Variants in ADK observed in about 807,000 individuals in gnomAD.
ADK encodes adenosine kinase.
In ADK, 24 loss-of-function variants were observed where a neutral mutation model predicts 44.7. The ratio of observed to expected loss-of-function variants is 0.54; its 90% CI spans 0.39 to 0.76. The LOEUF is 0.76. Ranked by LOEUF, ADK falls within the 30% of genes least tolerant of loss-of-function variation. The probability of loss-of-function intolerance (pLI) is 0.00; values close to 1 mark genes in which losing one functional copy is unlikely to be tolerated. For synonymous variants in ADK, 128 were observed against 142.6 expected, an observed-to-expected ratio of 0.90 and a Z score of 0.73; for missense variants, 321 against 425.1, an observed-to-expected ratio of 0.76 and a Z score of 2.15.
chr10:74,641,953 A>G (rs190898523), intron 9 of ADK, among the ~76,000 whole-genome samples: 18 of 152,300 alleles, frequency 1.2e-4, no homozygotes, highest in Non-Finnish European at 1.3e-4. Flanking sequence ...AGGCTCTTTC[A>G]AGGAATCTCT....
chr10:74,637,093 A>G (rs1050770212), intron 9 of ADK, among the ~76,000 whole-genome samples: 2 of 152,234 alleles, frequency 1.3e-5, no homozygotes, highest in Non-Finnish European at 2.9e-5. Context: ...TAGAAGGATA[A>G]TGATAAACCC....
At chr10:74,344,906 G>C (rs1394871967) in intron 4 of ADK, 1 of 156,852 alleles carries the variant, frequency 6.4e-6, no homozygotes, top group Non-Finnish European at 1.4e-5. Flanking sequence ...TCTTCAGTGA[G>C]ACGTGATTTC....
chr10:74,665,981 G>A (rs1362577203), intron 9 of ADK, among the ~76,000 whole-genome samples: 4 of 152,148 alleles, frequency 2.6e-5, no homozygotes, highest in Admixed American at 2.0e-4. Flanking sequence ...TAAGGATATC[G>A]TGAGGTTGTG....
intron 4 of ADK, among the ~76,000 whole-genome samples, chr10:74,332,690 CACA>C (rs1220571135): frequency 1.3e-5 from 2 of 152,128 alleles, no homozygotes; most frequent in African/African-American, 4.8e-5. Flanking sequence ...CAAAATATTG[CACA>C]ACAAGAAAAA....
chr10:74,344,240 T>C (rs1050255420), intron 4 of ADK, among the ~76,000 whole-genome samples: 2 of 152,214 alleles, frequency 1.3e-5, no homozygotes, highest in Non-Finnish European at 2.9e-5. Flanking sequence ...TAGAAGAGTT[T>C]GTGGAGAATT....
At chr10:74,475,736 G>A (rs898098941) in intron 6 of ADK, among the ~76,000 whole-genome samples, 13 of 148,714 alleles carry the variant, frequency 8.7e-5, no homozygotes, top group South Asian at 2.2e-4. Context: ...AAGAGAGAGC[G>A]AAGAGAGAAA....
At chr10:74,546,976 A>T (rs1172243612) in intron 7 of ADK, among the ~76,000 whole-genome samples, 1 of 152,198 alleles carries the variant, frequency 6.6e-6, no homozygotes, top group Non-Finnish European at 1.5e-5. Context: ...ACCCAGCATT[A>T]ACTACTCTAT....
rs1230856273 is a variant in ADK, at chr10:74,696,865, C to T, written c.965-11456C>T. Among the ~76,000 whole-genome samples the T allele has an allele frequency of 2.6e-5, 4 of 152,144 alleles. No individual in the cohort carries two copies. In the East Asian group the frequency reaches 7.7e-4, roughly 29 times the overall value. On this transcript the variant is annotated intron_variant, in intron 10 of 10. Coordinates refer to ENST00000539909, the MANE Select transcript of ADK (RefSeq NM_006721.4). ...GTCCTTATAGGTGTAATATGGATGG[C>T]CATGGAGCTGCTATGGCTTCAGGCT...
chr10:74,238,256 A>C (rs1451707875), intron 3 of ADK, among the ~76,000 whole-genome samples: 1 of 152,244 alleles, frequency 6.6e-6, no homozygotes, highest in Admixed American at 6.5e-5. Context: ...TTACTGGCAA[A>C]GAAAATAGAA....
intron 9 of ADK, among the ~76,000 whole-genome samples, chr10:74,645,847 C>T (rs1012348149): frequency 3.3e-5 from 5 of 152,198 alleles, no homozygotes; most frequent in African/African-American, 1.2e-4. Flanking sequence ...CAAATTGTGC[C>T]AGTTCAGCCC....
At chr10:74,487,630 A>G (rs1326376858) in intron 6 of ADK, among the ~76,000 whole-genome samples, 1 of 151,850 alleles carries the variant, frequency 6.6e-6, no homozygotes, top group African/African-American at 2.4e-5. Context: ...GTCTTTTTAA[A>G]CTTATTCTTA....
chr10:74,702,443 A>G (rs1458164592), intron 10 of ADK, among the ~76,000 whole-genome samples: 1 of 151,510 alleles, frequency 6.6e-6, no homozygotes, highest in African/African-American at 2.4e-5. Context: ...CGGCCTCCCA[A>G]AGTGCTGAGA....
At chr10:74,505,704 T>C (rs1041355503) in intron 6 of ADK, among the ~76,000 whole-genome samples, 12 of 152,190 alleles carry the variant, frequency 7.9e-5, no homozygotes, top group African/African-American at 2.4e-4. Context: ...GATTTGATTC[T>C]TTCAGATATC....
intron 6 of ADK, among the ~76,000 whole-genome samples, chr10:74,507,277 A>C (rs1589188928): frequency 6.6e-6 from 1 of 152,214 alleles, no homozygotes; most frequent in African/African-American, 2.4e-5. Flanking sequence ...TTCCATAAGC[A>C]TGTGAAAAGG....
chr10:74,599,864 C>T (rs1852055110), intron 8 of ADK, among the ~76,000 whole-genome samples: 1 of 152,038 alleles, frequency 6.6e-6, no homozygotes, highest in Admixed American at 6.6e-5. Context: ...ATTATAAGAA[C>T]TGTATTTTTT....
At chr10:74,151,592 G>C (rs1035050170) in intron 1 of ADK, among the ~76,000 whole-genome samples, 9 of 152,240 alleles carry the variant, frequency 5.9e-5, no homozygotes, top group African/African-American at 1.9e-4. Context: ...CCCGCAGGGG[G>C]ACCGAGCTGG....
chr10:74,664,580 C>T (rs1466028910), intron 9 of ADK, among the ~76,000 whole-genome samples: 2 of 152,148 alleles, frequency 1.3e-5, no homozygotes, highest in African/African-American at 4.8e-5. Flanking sequence ...TGGTGCCTCA[C>T]GCCTGTAATC....
intron 6 of ADK, among the ~76,000 whole-genome samples, chr10:74,450,502 T>C (rs1164310251): frequency 6.6e-6 from 1 of 152,184 alleles, no homozygotes; most frequent in African/African-American, 2.4e-5. Flanking sequence ...GATGAATTAA[T>C]TAAAAACAGC....
At chr10:74,413,559 G>A (rs1301218421) in intron 6 of ADK, among the ~76,000 whole-genome samples, 1 of 152,184 alleles carries the variant, frequency 6.6e-6, no homozygotes, top group African/African-American at 2.4e-5. Flanking sequence ...AAGAGTTAAG[G>A]TTGTGCTCGG....
Sources: allele counts gnomAD v4.1 joint callset (sites outside exome capture counted in the v4.1 genomes callset), GRCh38; gene constraint gnomAD v4.1.1; transcripts MANE v1.5; gene names NCBI Gene and HGNC (gene_info 2026-07-23, HGNC 2026-07-21).